NAA16: variants seen among roughly 807,000 people sequenced by gnomAD.
The protein encoded by NAA16 is NARG1-like protein.
Under a neutral mutation model 110.3 loss-of-function variants are expected in NAA16, and 97 were observed. That is an observed-to-expected ratio of 0.88 (90% CI 0.75 to 1.04). NAA16 has a LOEUF of 1.04. Among genes scored for constraint, NAA16 ranks in the 50% least tolerant of loss-of-function variants. The pLI is 0.00. For synonymous variants in NAA16, 372 were observed against 330.6 expected, an observed-to-expected ratio of 1.13 and a Z score of -1.36; for missense variants, 1,017 against 1,005.1, an observed-to-expected ratio of 1.01 and a Z score of -0.16.
At chr13:41,328,679 G>T in intron 6 of NAA16, 45 bp from the exon 7 acceptor site, 1 of 1,503,700 alleles carries the variant, frequency 6.7e-7, no homozygotes, top group Non-Finnish European at 9.1e-7. Flanking sequence ...GGGTCAGATA[G>T]ATATTTAATG....
chr13:41,341,407 C>T lies in NAA16; in HGVS notation c.1014+4651C>T, dbSNP rs551626068. On this transcript the variant is annotated intron_variant, in intron 9 of 19. Transcript: ENST00000379406. Reference sequence around the variant, plus strand: ...GGTAATATGTACTGTTTTCTTCTTACAAGTGATTACAAGAAAAAGGGGACA... The same window carrying T: ...GGTAATATGTACTGTTTTCTTCTTATAAGTGATTACAAGAAAAAGGGGACA... Among the ~76,000 whole-genome samples, 5 of 152,192 alleles carry T rather than the reference C, an allele frequency of 3.3e-5. No homozygotes were observed. In the East Asian group the frequency reaches 9.7e-4, roughly 29 times the overall value.
At chr13:41,331,153 A>C (rs2042227171) in intron 7 of NAA16, 121 bp from the exon 8 acceptor site, 7 of 566,752 alleles carry the variant, frequency 1.2e-5, no homozygotes. Flanking sequence ...ACCAAAATTG[A>C]AAGCAGCTTT....
rs557314528 is a variant in NAA16 at position 41,372,599 on chromosome 13, C to T, written c.2057-133C>T. 260 of 1,326,698 alleles carry T rather than the reference C, an allele frequency of 2.0e-4. 1 individual carries two copies. In the South Asian group the frequency reaches 5.5e-3, roughly 28 times the overall value. 82.2% of individuals were successfully genotyped at this position (1,326,698 alleles called of 1,614,324 possible). On this transcript the variant is annotated intron_variant, in intron 16 of 19. Coordinates refer to ENST00000379406, the MANE Select transcript of NAA16 (RefSeq NM_024561.5). ...CATAGTTGACTTTGATAGCCAGAGT[C>T]AACTTTAATTTTGCTTACGAGTGTT...
intron 5 of NAA16, among the ~76,000 whole-genome samples, chr13:41,323,652 AT>A (rs149585307): frequency 0.041 from 5,553 of 136,902 alleles, 125 homozygotes; most frequent in Non-Finnish European, 0.067. Context: ...GCGCCCGGCC[AT>A]TTTTTTTTTT....
intron 5 of NAA16, among the ~76,000 whole-genome samples, chr13:41,325,023 A>G (rs1041551165): frequency 6.7e-6 from 1 of 148,258 alleles, no homozygotes; most frequent in Non-Finnish European, 1.5e-5. Flanking sequence ...CAGTGGCGCA[A>G]TCTTAGCTCA....
At chr13:41,316,773 A>G (rs1220987973) in intron 1 of NAA16, 73 bp from the exon 2 acceptor site, 2 of 965,900 alleles carry the variant, frequency 2.1e-6, no homozygotes, top group African/African-American at 3.2e-5. Flanking sequence ...AGTTTAGAAT[A>G]TATGATGCTG....
intron 9 of NAA16, among the ~76,000 whole-genome samples, chr13:41,352,718 G>A (rs891911891): frequency 1.2e-4 from 18 of 152,010 alleles, no homozygotes; most frequent in Admixed American, 5.9e-4. Flanking sequence ...GAACCGCAAC[G>A]GTCAGTCCCC....
chr13:41,372,240 T>A lies in NAA16; in HGVS notation c.1985T>A (p.Ile662Lys), dbSNP rs2043335865. 1 of 1,601,660 alleles carries A rather than the reference T, an allele frequency of 6.2e-7. No homozygotes were observed. The highest frequency in any genetic ancestry group is 8.5e-7 in the Non-Finnish European group (1 of 1,175,112). ...NPLEEAVKFL[I>K]PLKNLVADNI... ...TTAGAGGAAGCCGTTAAGTTCCTTATACCTCTTAAGAACCTTGTTGCTGAT... is the reference window on the plus strand; with the variant it reads ...TTAGAGGAAGCCGTTAAGTTCCTTAAACCTCTTAAGAACCTTGTTGCTGAT... Residue 662 changes from isoleucine to lysine, a missense_variant, in exon 16 of 20, where the codon ATA becomes AAA. By Grantham distance (102) the Ile-to-Lys change is moderately radical (BLOSUM62 -3). Coordinates refer to ENST00000379406, the MANE Select transcript of NAA16 (RefSeq NM_024561.5).
At position 41,367,501 on chromosome 13, in the gene NAA16, C is replaced by T. The variant is rs1235334839; in HGVS notation, c.1602C>T (p.Thr534=). 1.2e-6 allele frequency: 2 copies of T among 1,612,738 alleles called. No homozygotes were observed. Among genetic ancestry groups the T allele is most frequent in the South Asian group, 1.1e-5 (1 of 91,000 alleles). The change falls in exon 14 of 20, where the codon ACC becomes ACT. Residue 534 remains threonine (T), a synonymous_variant. Coordinates refer to ENST00000379406, the MANE Select transcript of NAA16 (RefSeq NM_024561.5). The part of the protein sequence containing the change: ...DFHTYCMRKM[T]LRAYVDLLRL... ...ATACATACTGCATGAGAAAGATGACCCTTCGTGCCTATGTTGACCTTTTGA... is the reference window on the plus strand; with the variant it reads ...ATACATACTGCATGAGAAAGATGACTCTTCGTGCCTATGTTGACCTTTTGA...
At chr13:41,311,927 C>G (rs1354628430) in intron 1 of NAA16, among the ~76,000 whole-genome samples, 1 of 152,270 alleles carries the variant, frequency 6.6e-6, no homozygotes, top group African/African-American at 2.4e-5. Context: ...GCAGCAGCCC[C>G]TCAGGGATCC....
chr13:41,359,278 C>A (rs1286227052), intron 12 of NAA16, among the ~76,000 whole-genome samples: 1 of 152,006 alleles, frequency 6.6e-6, no homozygotes, highest in East Asian at 1.9e-4. Context: ...ATCCTTTGTC[C>A]CCCTAGTAAT....
chr13:41,352,456 A>G (rs2042861496), intron 9 of NAA16, among the ~76,000 whole-genome samples: 1 of 151,942 alleles, frequency 6.6e-6, no homozygotes, highest in Admixed American at 6.6e-5. Flanking sequence ...GGAGTTGGAG[A>G]CCAGCCTGGC....
intron 12 of NAA16, 92 bp downstream of exon 12, chr13:41,359,054 T>C (rs2043056269): frequency 1.8e-6 from 2 of 1,094,264 alleles, no homozygotes; most frequent in Non-Finnish European, 2.5e-6. Context: ...AGAACTTCAG[T>C]GGAAGTTCAT....
Position 41,376,064 on chromosome 13 carries a change from C to T in NAA16, c.*462C>T, listed in dbSNP as rs759189528. ...CAGCACTTTGGGAGGCCCAGACTGGCGGATCACCTGAGGTCAGGAGATCGA... is the reference window on the plus strand; with the variant it reads ...CAGCACTTTGGGAGGCCCAGACTGGTGGATCACCTGAGGTCAGGAGATCGA... On this transcript the variant is annotated 3_prime_UTR_variant, in exon 20 of 20. Coordinates refer to ENST00000379406, the MANE Select transcript of NAA16 (RefSeq NM_024561.5). 7 of 152,616 alleles carry T rather than the reference C, an allele frequency of 4.6e-5. No homozygotes were observed. The highest frequency in any genetic ancestry group is 7.3e-5 in the Non-Finnish European group (5 of 68,462). 9.5% of individuals were successfully genotyped at this position (152,616 alleles called of 1,614,324 possible). A position where few individuals can be genotyped will look rare whatever the true frequency, so the allele number is the denominator to read the frequency against.
chr13:41,350,933 A>G (rs929874095), intron 9 of NAA16, among the ~76,000 whole-genome samples: 12 of 151,998 alleles, frequency 7.9e-5, no homozygotes, highest in Non-Finnish European at 1.6e-4. Flanking sequence ...CCCAGCCCCA[A>G]AATGTTTGAA....
chr13:41,317,011 C>A, intron 2 of NAA16, 81 bp downstream of exon 2: 1 of 971,998 alleles, frequency 1.0e-6, no homozygotes, highest in South Asian at 1.3e-5. Context: ...AGTATTTCCC[C>A]GATTCCAGGG....
chr13:41,331,374 T>A lies in NAA16; in HGVS notation c.907+5T>A. 3 of 1,530,100 alleles carry A rather than the reference T, an allele frequency of 2.0e-6. No individual in the cohort carries two copies. The highest frequency in any genetic ancestry group is 2.7e-6 in the Non-Finnish European group (3 of 1,110,244). The allele number at this position is 1,530,100 out of a possible 1,614,324, so 94.8% of individuals were successfully genotyped here. ...TACCTTTGACTCTTGTCCCAGGTAA[T>A]ATTAAGATGTCTTTTATAATATTAA... On this transcript the variant is annotated splice_donor_5th_base_variant and intron_variant, in intron 8 of 19. Transcript: ENST00000379406.
At chr13:41,362,519 A>G (rs992630621) in intron 13 of NAA16, 5 of 378,740 alleles carry the variant, frequency 1.3e-5, no homozygotes, top group African/African-American at 2.1e-5. Context: ...CCTTTAAAAC[A>G]TCAGGATCTG....
intron 9 of NAA16, among the ~76,000 whole-genome samples, chr13:41,347,234 CAAAAACAAAA>C (rs1463196383): frequency 2.1e-4 from 6 of 29,264 alleles, no homozygotes; most frequent in South Asian, 3.1e-3. Context: ...AAAACAAAAA[CAAAAACAAAA>C]AAAGAAATCA....
Sources: allele counts gnomAD v4.1 joint callset (sites outside exome capture counted in the v4.1 genomes callset), GRCh38; gene constraint gnomAD v4.1.1; transcripts MANE v1.5; gene names NCBI Gene and HGNC (gene_info 2026-07-23, HGNC 2026-07-21).